The following DIRAS2 variants were observed in gnomAD, a reference collection of about 807,000 sequenced individuals.
The protein encoded by DIRAS2 is DIRAS family GTPase 2.
A neutral mutation model predicts 13.9 loss-of-function variants in DIRAS2; 5 were observed. The ratio of observed to expected loss-of-function variants is 0.36; its 90% CI spans 0.19 to 0.76. The LOEUF (loss-of-function observed/expected upper bound fraction) is 0.76, where lower values mean the gene tolerates loss of function less well. Among genes scored for constraint, DIRAS2 ranks in the 30% least tolerant of loss-of-function variants. The pLI, the probability that DIRAS2 is intolerant of heterozygous loss-of-function variation, is 0.53. For synonymous variants in DIRAS2, 111 were observed against 105.4 expected (o/e 1.05, Z -0.33); for missense variants, 191 against 263.0 (o/e 0.73, Z 1.89).
chr9:90,624,131 A>C (rs543460018), intron 1 of DIRAS2, among the ~76,000 whole-genome samples: 4 of 152,256 alleles, frequency 2.6e-5, no homozygotes, highest in African/African-American at 9.6e-5. Flanking sequence ...AAGTTGGTAC[A>C]TGGGAGCCCT....
chr9:90,625,022 A>G (rs1825255237), intron 1 of DIRAS2, among the ~76,000 whole-genome samples: 1 of 152,262 alleles, frequency 6.6e-6, no homozygotes, highest in African/African-American at 2.4e-5. Flanking sequence ...AACAAAAAGG[A>G]AAATCATGTG....
At chr9:90,640,047 A>G (rs541569291) in intron 1 of DIRAS2, among the ~76,000 whole-genome samples, 1 of 152,384 alleles carries the variant, frequency 6.6e-6, no homozygotes, top group African/African-American at 2.4e-5. Context: ...GTCAGCAGGC[A>G]TTTAAAAAGG....
chr9:90,614,011 A>G, intron 1 of DIRAS2, 148 bp from the exon 2 acceptor site: 2 of 857,894 alleles, frequency 2.3e-6, no homozygotes, highest in South Asian at 2.2e-5. Context: ...AATTTGGTCA[A>G]TCCGCCGTTT....
chr9:90,641,063 A>G (rs1334871783), intron 1 of DIRAS2, among the ~76,000 whole-genome samples: 2 of 152,216 alleles, frequency 1.3e-5, no homozygotes, highest in African/African-American at 4.8e-5. Flanking sequence ...AGTAAAAGTC[A>G]TGTGTGGTGT....
intron 1 of DIRAS2, among the ~76,000 whole-genome samples, chr9:90,630,726 G>A (rs1825317370): frequency 1.3e-5 from 2 of 152,172 alleles, no homozygotes; most frequent in South Asian, 4.1e-4. Context: ...GATGTTTTCT[G>A]CTAGGTAGGT....
At chr9:90,627,811 A>G (rs1191222055) in intron 1 of DIRAS2, among the ~76,000 whole-genome samples, 1 of 152,194 alleles carries the variant, frequency 6.6e-6, no homozygotes, top group East Asian at 1.9e-4. Flanking sequence ...AGCTAGGCAG[A>G]CAGCTCCTCC....
rs1246670716 is a variant in DIRAS2, at chr9:90,611,149, A to G, written c.*2079T>C. On this transcript the variant is annotated 3_prime_UTR_variant, in exon 2 of 2. Transcript: ENST00000375765. ...TCTCTCTCTCAGAATAGAAACAGAA[A>G]AAAAATGTCGGGACAAGTTGAAAAA... 6.6e-6 allele frequency: 1 copy of G among 152,254 alleles called. No homozygotes were observed. Among genetic ancestry groups the G allele is most frequent in the Non-Finnish European group, 1.5e-5 (1 of 68,042 alleles). 9.4% of individuals were successfully genotyped at this position (152,254 alleles called of 1,614,324 possible). A position where few individuals can be genotyped will look rare whatever the true frequency, so the allele number is the denominator to read the frequency against.
chr9:90,640,795 T>C (rs1825412302), intron 1 of DIRAS2, among the ~76,000 whole-genome samples: 1 of 152,204 alleles, frequency 6.6e-6, no homozygotes, highest in African/African-American at 2.4e-5. Flanking sequence ...GACAACTGAA[T>C]GGTCCTCTCA....
intron 1 of DIRAS2, among the ~76,000 whole-genome samples, chr9:90,639,665 C>T (rs192892906): frequency 5.4e-4 from 82 of 152,284 alleles, no homozygotes; most frequent in African/African-American, 1.7e-3. Context: ...TTGTTTCTGC[C>T]ACAATAAACC....
At chr9:90,616,134 G>A (rs1321558815) in intron 1 of DIRAS2, among the ~76,000 whole-genome samples, 1 of 152,190 alleles carries the variant, frequency 6.6e-6, no homozygotes, top group Non-Finnish European at 1.5e-5. Flanking sequence ...CACTCTTTAT[G>A]AGTTTGCTGA....
chr9:90,638,053 T>C (rs554933488), intron 1 of DIRAS2, among the ~76,000 whole-genome samples: 15 of 152,362 alleles, frequency 9.8e-5, no homozygotes, highest in Admixed American at 3.3e-4. Flanking sequence ...GTATATCCAA[T>C]TTAACAAACT....
intron 1 of DIRAS2, among the ~76,000 whole-genome samples, chr9:90,624,601 G>A (rs1825250700): frequency 6.6e-6 from 1 of 152,162 alleles, no homozygotes; most frequent in Non-Finnish European, 1.5e-5. Context: ...AGGCCAATAA[G>A]CCCACAGCTT....
intron 1 of DIRAS2, among the ~76,000 whole-genome samples, chr9:90,619,373 G>T (rs190038085): frequency 6.6e-6 from 1 of 152,150 alleles, no homozygotes; most frequent in East Asian, 1.9e-4. Context: ...AACCCAGGAG[G>T]CAGAGGTTGC....
intron 1 of DIRAS2, among the ~76,000 whole-genome samples, chr9:90,631,508 T>G (rs1825324937): frequency 6.6e-6 from 1 of 152,086 alleles, no homozygotes; most frequent in African/African-American, 2.4e-5. Context: ...GAGGCAGGAT[T>G]CCAGTCAGAA....
At chr9:90,632,961 C>G (rs1409906808) in intron 1 of DIRAS2, among the ~76,000 whole-genome samples, 1 of 152,204 alleles carries the variant, frequency 6.6e-6, no homozygotes, top group Non-Finnish European at 1.5e-5. Context: ...ATATCCATGG[C>G]TCTCTGTTGT....
intron 1 of DIRAS2, among the ~76,000 whole-genome samples, chr9:90,627,293 T>C (rs1825279006): frequency 6.6e-6 from 1 of 152,180 alleles, no homozygotes; most frequent in Non-Finnish European, 1.5e-5. Flanking sequence ...TCTCCGGGAT[T>C]TCTTTATAGC....
intron 1 of DIRAS2, among the ~76,000 whole-genome samples, chr9:90,630,487 T>G (rs913761882): frequency 6.6e-6 from 1 of 152,242 alleles, no homozygotes; most frequent in Admixed American, 6.5e-5. Context: ...AGCTACTGGA[T>G]AGCATGCACT....
At chr9:90,625,336 A>G (rs1825258412) in intron 1 of DIRAS2, among the ~76,000 whole-genome samples, 1 of 152,218 alleles carries the variant, frequency 6.6e-6, no homozygotes, top group South Asian at 2.1e-4. Context: ...TGATTCTTTC[A>G]AACAATCATG....
At chr9:90,627,383 G>A (rs535385327) in intron 1 of DIRAS2, among the ~76,000 whole-genome samples, 2 of 152,260 alleles carry the variant, frequency 1.3e-5, no homozygotes, top group African/African-American at 4.8e-5. Context: ...CTACAACACG[G>A]ATGAACCTTG....
Sources: allele counts gnomAD v4.1 joint callset (sites outside exome capture counted in the v4.1 genomes callset), GRCh38; gene constraint gnomAD v4.1.1; transcripts MANE v1.5; gene names NCBI Gene and HGNC (gene_info 2026-07-23, HGNC 2026-07-21).